Variants in IHO1 observed in about 807,000 individuals in gnomAD.
IHO1 encodes the protein interactor of HORMAD1 protein 1.
A neutral mutation model predicts 31.0 loss-of-function variants in IHO1; 13 were observed. The observed-to-expected ratio is 0.42, with a 90% confidence interval of 0.27 to 0.67. The LOEUF (loss-of-function observed/expected upper bound fraction) is 0.67. IHO1 is among the 30% of genes least tolerant of loss of function. The pLI is 0.24. For synonymous variants in IHO1, 221 were observed against 248.4 expected (o/e 0.89, Z 1.04); for missense variants, 599 against 687.5 (o/e 0.87, Z 1.44).
At chr3:49,250,995 G>A (rs2046753276) in intron 6 of IHO1, among the ~76,000 whole-genome samples, 1 of 151,890 alleles carries the variant, frequency 6.6e-6, no homozygotes, top group African/African-American at 2.4e-5. Flanking sequence ...CTGCACTCCA[G>A]CCTGGGCGAC....
Position 49,244,356 on chromosome 3 carries a change from C to T in IHO1, c.396-48C>T, listed in dbSNP as rs1469307016. On this transcript the variant is annotated intron_variant, in intron 4 of 7. Coordinates refer to ENST00000452691, the MANE Select transcript of IHO1 (RefSeq NM_001135197.2). Reference sequence around the variant, plus strand: ...ATGGAATCATTTATGTTACTTATCACTTCAATATTTCATAAAGATTTGTTT... The same window carrying T: ...ATGGAATCATTTATGTTACTTATCATTTCAATATTTCATAAAGATTTGTTT... 3.5e-6 allele frequency: 4 copies of T among 1,129,620 alleles called. No individual in the cohort carries two copies. The Admixed American group carries it at 5.3e-5, about 15-fold the overall frequency. The allele number at this position is 1,129,620 out of a possible 1,614,324, so 70.0% of individuals were successfully genotyped here. A position where few individuals can be genotyped will look rare whatever the true frequency, so the allele number is the denominator to read the frequency against.
At position 49,257,630 on chromosome 3, in the gene IHO1, T is replaced by C. The variant is rs1159891794; in HGVS notation, c.*348T>C. On this transcript the variant is annotated 3_prime_UTR_variant, in exon 8 of 8. Transcript: ENST00000452691. ...ATACTGTGTAGCAGAAGGGCTCTCA[T>C]AAAACTGTTGCGGTGGCAGCATGAC... 5.0e-6 allele frequency: 1 copy of C among 201,258 alleles called. No individual in the cohort carries two copies. Among genetic ancestry groups the C allele is most frequent in the East Asian group, 1.3e-4 (1 of 7,974 alleles). 12.5% of individuals were successfully genotyped at this position (201,258 alleles called of 1,614,324 possible). A position where few individuals can be genotyped will look rare whatever the true frequency, so the allele number is the denominator to read the frequency against.
At chr3:49,206,662 A>T (rs2046142252) in intron 1 of IHO1, among the ~76,000 whole-genome samples, 1 of 152,136 alleles carries the variant, frequency 6.6e-6, no homozygotes, top group South Asian at 2.1e-4. Context: ...AAGAATGCCT[A>T]ATCTCCTGAG....
intron 5 of IHO1, 53 bp downstream of exon 5, chr3:49,244,505 T>G: frequency 7.5e-7 from 1 of 1,331,710 alleles, no homozygotes; most frequent in Non-Finnish European, 1.1e-6. Context: ...TTAAGAAGTT[T>G]AATATTTATA....
chr3:49,253,606 T>C (rs1456490106), intron 6 of IHO1, among the ~76,000 whole-genome samples: 1 of 152,134 alleles, frequency 6.6e-6, no homozygotes, highest in Non-Finnish European at 1.5e-5. Context: ...CTTTCTTCTG[T>C]TGGTAATATT....
chr3:49,201,753 C>CAGA (rs762562893), intron 1 of IHO1, among the ~76,000 whole-genome samples: 2 of 151,876 alleles, frequency 1.3e-5, no homozygotes, highest in Non-Finnish European at 2.9e-5. Flanking sequence ...TCTGTCTCTA[C>CAGA]CAAAAATACA....
chr3:49,228,600 G>A (rs2046444099), intron 2 of IHO1, among the ~76,000 whole-genome samples: 1 of 152,188 alleles, frequency 6.6e-6, no homozygotes, highest in African/African-American at 2.4e-5. Flanking sequence ...GAATGAAGCT[G>A]TGGACCTTCG....
intron 4 of IHO1, 71 bp downstream of exon 4, chr3:49,241,460 A>G: frequency 7.0e-7 from 1 of 1,423,500 alleles, no homozygotes; most frequent in Non-Finnish European, 9.5e-7. Flanking sequence ...AGTGTCAGTA[A>G]TTAAATAATT....
intron 2 of IHO1, among the ~76,000 whole-genome samples, chr3:49,226,084 A>T (rs2046413596): frequency 6.6e-6 from 1 of 152,036 alleles, no homozygotes; most frequent in African/African-American, 2.4e-5. Flanking sequence ...GTCCTTGCAA[A>T]CCACACTGGT....
At chr3:49,254,372 T>G (rs1355201354) in intron 6 of IHO1, among the ~76,000 whole-genome samples, 1 of 151,972 alleles carries the variant, frequency 6.6e-6, no homozygotes, top group South Asian at 2.1e-4. Flanking sequence ...AGCACCTAGG[T>G]CCCCAAGTCT....
intron 6 of IHO1, 111 bp from the exon 7 acceptor site, chr3:49,255,279 C>G: frequency 1.4e-6 from 1 of 691,660 alleles, no homozygotes; most frequent in Middle Eastern, 3.2e-4. Flanking sequence ...AGGAACCACT[C>G]CGGTCTGCAT....
intron 4 of IHO1, among the ~76,000 whole-genome samples, 181 bp from the exon 5 acceptor site, chr3:49,244,223 G>T (rs942823954): frequency 6.6e-6 from 1 of 152,050 alleles, no homozygotes; most frequent in Non-Finnish European, 1.5e-5. Context: ...AAGATGCTGG[G>T]ACTCTCTTTT....
At chr3:49,244,862 G>A (rs1199303396) in intron 6 of IHO1, 129 bp downstream of exon 6, 1 of 808,228 alleles carries the variant, frequency 1.2e-6, no homozygotes, top group Non-Finnish European at 2.1e-6. Context: ...TGGGTATATA[G>A]GGTTAGTCCT....
intron 1 of IHO1, among the ~76,000 whole-genome samples, chr3:49,211,121 C>T (rs2046207365): frequency 6.6e-6 from 1 of 151,434 alleles, no homozygotes; most frequent in Non-Finnish European, 1.5e-5. Context: ...CATTCTCCTG[C>T]CCCGGCCTCC....
intron 6 of IHO1, among the ~76,000 whole-genome samples, chr3:49,252,767 G>A (rs766273735): frequency 2.0e-5 from 3 of 152,006 alleles, no homozygotes; most frequent in South Asian, 2.1e-4. Flanking sequence ...GAATTCGGCC[G>A]GGCATGGTGG....
intron 6 of IHO1, among the ~76,000 whole-genome samples, chr3:49,249,557 C>G: frequency 6.6e-6 from 1 of 152,058 alleles, no homozygotes; most frequent in Non-Finnish European, 1.5e-5. Context: ...TGTAAGCCAC[C>G]ACGCCCGGCC....
chr3:49,195,141 T>C (rs148730818), upstream of IHO1, among the ~76,000 whole-genome samples: 3 of 152,056 alleles, frequency 2.0e-5, no homozygotes, highest in Non-Finnish European at 4.4e-5. Flanking sequence ...AAGCATGGGC[T>C]GGCTGCAGTG....
At chr3:49,242,241 C>T (rs1422695695) in intron 4 of IHO1, among the ~76,000 whole-genome samples, 2 of 152,166 alleles carry the variant, frequency 1.3e-5, no homozygotes, top group Non-Finnish European at 2.9e-5. Flanking sequence ...CCGCAGTCTT[C>T]CCACCTTAGC....
the IHO1 span, chr3:49,191,932 G>T: frequency 1.4e-6 from 1 of 708,030 alleles, no homozygotes; most frequent in Non-Finnish European, 2.4e-6. Flanking sequence ...TACATGACCT[G>T]TTGCCCCTTT....
Sources: allele counts gnomAD v4.1 joint callset (sites outside exome capture counted in the v4.1 genomes callset), GRCh38; gene constraint gnomAD v4.1.1; transcripts MANE v1.5; gene names NCBI Gene and HGNC (gene_info 2026-07-23, HGNC 2026-07-21).